Variants in SH3BP4 observed in about 807,000 individuals in gnomAD.
SH3BP4 encodes SH3 domain-binding protein 4.
SH3BP4 carries 33 observed loss-of-function variants against 65.5 expected under a neutral mutation model. The observed-to-expected ratio is 0.50, with a 90% confidence interval of 0.38 to 0.67. The LOEUF (loss-of-function observed/expected upper bound fraction) is 0.67, where lower values mean the gene tolerates loss of function less well. Ranked by LOEUF, SH3BP4 falls within the 30% of genes least tolerant of loss-of-function variation. SH3BP4 has a pLI of 0.00. For missense variants in SH3BP4, 1,134 were observed against 1,261.4 expected, an observed-to-expected ratio of 0.90 and a Z score of 1.53; for synonymous variants, 552 against 545.5, an observed-to-expected ratio of 1.01 and a Z score of -0.17.
chr2:235,041,814 G>C lies in SH3BP4; in HGVS notation c.1045G>C (p.Gly349Arg). Residue 349 changes from glycine (G) to arginine (R), a missense_variant, in exon 4 of 6, where the codon GGG becomes CGG. Transcript: ENST00000392011. This position sits in a 1 kb window ranked among gnomAD's most constrained non-coding sequence, Gnocchi z 6.0. ...CGTGCCCGAGGGCCACGTCGCCCCT[G>C]GGGAGACCCAGCAGATCTCCATGAA... ...IHVPEGHVAP[G>R]ETQQISMKAL... 1 of 1,598,532 alleles carries C rather than the reference G, an allele frequency of 6.3e-7. No individual in the cohort carries two copies. The highest frequency in any genetic ancestry group is 8.5e-7 in the Non-Finnish European group (1 of 1,171,252).
At chr2:235,014,319 C>T (rs1443976589) in intron 2 of SH3BP4, among the ~76,000 whole-genome samples, 1 of 152,146 alleles carries the variant, frequency 6.6e-6, no homozygotes, top group Admixed American at 6.5e-5. Flanking sequence ...GAGGCCTCGT[C>T]CCTCTTTTTG....
At chr2:234,982,741 GT>G (rs1223028164) in intron 1 of SH3BP4, among the ~76,000 whole-genome samples, 1 of 152,150 alleles carries the variant, frequency 6.6e-6, no homozygotes, top group East Asian at 1.9e-4. Context: ...GTATAGGGGA[GT>G]TTGAGGGTGG....
At chr2:234,969,521 G>A (rs888589305) in intron 1 of SH3BP4, among the ~76,000 whole-genome samples, 1 of 152,212 alleles carries the variant, frequency 6.6e-6, no homozygotes, top group African/African-American at 2.4e-5. Context: ...GCTGCCTTCA[G>A]CGCCAGTTGT....
At position 234,969,969 on chromosome 2, in the gene SH3BP4, A is replaced by T. The variant is rs867323867; in HGVS notation, c.-207+17799A>T. Reference sequence around the variant, plus strand: ...CACTCCCTGTCTCTCACACACACACACTCTCACACACACTCCCACATACAC... The same window carrying T: ...CACTCCCTGTCTCTCACACACACACTCTCTCACACACACTCCCACATACAC... On this transcript the variant is annotated intron_variant, in intron 1 of 5. Transcript: ENST00000392011. 1.1e-4 allele frequency among the ~76,000 whole-genome samples: 16 copies of T among 149,314 alleles called. 1 individual carries two copies. The highest frequency in any genetic ancestry group is 6.8e-3 in the Middle Eastern group (2 of 294).
chr2:235,003,926 A>G (rs1694210808), intron 2 of SH3BP4, among the ~76,000 whole-genome samples: 1 of 152,180 alleles, frequency 6.6e-6, no homozygotes, highest in Non-Finnish European at 1.5e-5. Context: ...AACCCACCCA[A>G]GATGGCCCTA....
At position 235,042,372 on chromosome 2, in the gene SH3BP4, C is replaced by T; in HGVS notation, c.1603C>T (p.Gln535Ter). 6.2e-7 allele frequency: 1 copy of T among 1,614,162 alleles called. No homozygotes were observed. The highest frequency in any genetic ancestry group is 8.5e-7 in the Non-Finnish European group (1 of 1,180,042). Residue 535 changes from glutamine to a stop codon, truncating the protein, a stop_gained, in exon 4 of 6, where the codon CAG becomes TAG. Transcript: ENST00000392011. LOFTEE classifies it high-confidence loss of function. The surrounding 1 kb of genome is among the most constrained non-coding windows in gnomAD (Gnocchi z 7.3). ...GKHQFVLSRP[Q>*]DLKVCMFSNM... Reference sequence around the variant, plus strand: ...GCACCAGTTCGTTTTGTCCAGGCCCCAGGATCTCAAGGTCTGTATGTTTTC... The same window carrying T: ...GCACCAGTTCGTTTTGTCCAGGCCCTAGGATCTCAAGGTCTGTATGTTTTC...
intron 4 of SH3BP4, among the ~76,000 whole-genome samples, chr2:235,048,571 C>G (rs1695951167): frequency 6.6e-6 from 1 of 151,822 alleles, no homozygotes; most frequent in African/African-American, 2.4e-5. Context: ...ACTCATTGAG[C>G]TCAAGCTATC....
chr2:235,014,128 G>A (rs1041933934), intron 2 of SH3BP4, among the ~76,000 whole-genome samples: 3 of 151,982 alleles, frequency 2.0e-5, no homozygotes, highest in Non-Finnish European at 2.9e-5. Flanking sequence ...TGGCTCTTAC[G>A]GTGACATAGC....
At chr2:235,053,123 A>G (rs1355126904) in intron 5 of SH3BP4, among the ~76,000 whole-genome samples, 1 of 152,186 alleles carries the variant, frequency 6.6e-6, no homozygotes, top group East Asian at 1.9e-4. Flanking sequence ...TATGTTACAT[A>G]ACTTGGGCCA....
At chr2:235,024,901 C>T (rs1228403793) in intron 2 of SH3BP4, among the ~76,000 whole-genome samples, 5 of 151,904 alleles carry the variant, frequency 3.3e-5, no homozygotes, top group African/African-American at 4.8e-5. Flanking sequence ...AGGTGGGAGC[C>T]GGGAGTCTGA....
chr2:234,961,077 C>T (rs1442620775), intron 1 of SH3BP4, among the ~76,000 whole-genome samples: 1 of 152,122 alleles, frequency 6.6e-6, no homozygotes, highest in Non-Finnish European at 1.5e-5. Context: ...TGTCTGTGTC[C>T]GAATATTTGG....
intron 1 of SH3BP4, among the ~76,000 whole-genome samples, chr2:234,961,945 G>A (rs925700873): frequency 1.3e-5 from 2 of 152,098 alleles, no homozygotes; most frequent in Non-Finnish European, 2.9e-5. Context: ...ACCTGGGGTG[G>A]AGTGTGGCTC....
rs570148498 is a variant in SH3BP4 at position 235,026,614 on chromosome 2, A to C, written c.-132-8257A>C. 1.4e-4 allele frequency among the ~76,000 whole-genome samples: 22 copies of C among 152,318 alleles called. No homozygotes were observed. Among genetic ancestry groups the C allele is most frequent in the African/African-American group, 5.3e-4 (22 of 41,572 alleles). ...TCGTTGCTAGAGCCTGGCACTCCGT[A>C]GATGTTCACTAAGGTGACCTCTGTG... On this transcript the variant is annotated intron_variant, in intron 2 of 5. Coordinates refer to ENST00000392011, the MANE Select transcript of SH3BP4 (RefSeq NM_014521.3). This position sits in a 1 kb window ranked among gnomAD's most constrained non-coding sequence, Gnocchi z 4.6.
intron 4 of SH3BP4, among the ~76,000 whole-genome samples, chr2:235,050,891 A>G (rs751737871): frequency 1.3e-5 from 2 of 151,912 alleles, no homozygotes; most frequent in Admixed American, 6.6e-5. Flanking sequence ...TAAAATGACA[A>G]CCTCAGGTGC....
chr2:235,045,356 C>T lies in SH3BP4; in HGVS notation c.2478+2109C>T, dbSNP rs1343397655. Among the ~76,000 whole-genome samples the T allele has an allele frequency of 6.6e-6, 1 of 152,246 alleles. No homozygotes were observed. Among genetic ancestry groups the T allele is most frequent in the Non-Finnish European group, 1.5e-5 (1 of 68,042 alleles). On this transcript the variant is annotated intron_variant, in intron 4 of 5. Coordinates refer to ENST00000392011, the MANE Select transcript of SH3BP4 (RefSeq NM_014521.3). The surrounding 1 kb of genome is among the most constrained non-coding windows in gnomAD (Gnocchi z 4.3). The stretch of plus-strand genomic sequence containing the variant: ...ATAACCGCCGAGTAGGTGGCTTTTA[C>T]ACTCATTTTCCTGCTTTTTTATCTT...
At position 235,046,818 on chromosome 2, in the gene SH3BP4, C is replaced by T. The variant is rs969284220; in HGVS notation, c.2478+3571C>T. Among the ~76,000 whole-genome samples the T allele has an allele frequency of 6.6e-6, 1 of 152,162 alleles. No individual in the cohort carries two copies. Among genetic ancestry groups the T allele is most frequent in the Non-Finnish European group, 1.5e-5 (1 of 68,022 alleles). ...AGAATCCAAGCGGGAGGCATTCTCA[C>T]GTGGCCATACCATGCTTCTGTTCTG... On this transcript the variant is annotated intron_variant, in intron 4 of 5. Transcript: ENST00000392011. This position sits in a 1 kb window ranked among gnomAD's most constrained non-coding sequence, Gnocchi z 4.2.
rs1402569279 is a variant in SH3BP4, at chr2:235,046,589, A to G, written c.2478+3342A>G. ...CCTGTCTTGAAAATAAAGGAAGAGA[A>G]GAAAAGAAACAAGTTTGTTTATGTT... On this transcript the variant is annotated intron_variant, in intron 4 of 5. Transcript: ENST00000392011. The surrounding 1 kb of genome is among the most constrained non-coding windows in gnomAD (Gnocchi z 4.2). Among the ~76,000 whole-genome samples, 1 of 152,140 alleles carries G rather than the reference A, an allele frequency of 6.6e-6. No homozygotes were observed. The highest frequency in any genetic ancestry group is 1.5e-5 in the Non-Finnish European group (1 of 68,026).
intron 3 of SH3BP4, among the ~76,000 whole-genome samples, chr2:235,038,202 C>CAT (rs1236305799): frequency 1.6e-5 from 2 of 121,240 alleles, no homozygotes; most frequent in Admixed American, 2.0e-4. Flanking sequence ...TATATATACA[C>CAT]ATATATATAA....
At chr2:234,962,448 CA>C (rs912952620) in intron 1 of SH3BP4, among the ~76,000 whole-genome samples, 3 of 151,078 alleles carry the variant, frequency 2.0e-5, no homozygotes, top group Non-Finnish European at 4.4e-5. Flanking sequence ...TCTTCTTTTC[CA>C]AAAAAAATAA....
Sources: gnomAD v4.1 joint callset for allele counts (sites outside exome capture counted in the v4.1 genomes callset) on GRCh38, gnomAD v4.1.1 for gene constraint, Gnocchi (gnomAD v3.1) non-coding constraint, MANE v1.5 for transcripts, NCBI Gene and HGNC (gene_info 2026-07-23, HGNC 2026-07-21) for gene names.